The following ZNF334 variants were observed in gnomAD, a reference collection of about 807,000 sequenced individuals.
ZNF334 encodes the protein zinc finger protein 334.
Under a neutral mutation model 12.4 loss-of-function variants are expected in ZNF334, and 14 were observed. That is an observed-to-expected ratio of 1.13 (90% CI 0.74 to 1.76). ZNF334 has a LOEUF of 1.76. ZNF334 is among the 40% of genes most tolerant of loss of function. The pLI, the probability that ZNF334 is intolerant of heterozygous loss-of-function variation, is 0.00. For synonymous variants in ZNF334, 273 were observed against 269.6 expected (o/e 1.01, Z -0.12); for missense variants, 797 against 804.5 (o/e 0.99, Z 0.11).
intron 2 of ZNF334, chr20:46,506,631 A>C: frequency 3.2e-6 from 1 of 308,184 alleles, no homozygotes; most frequent in Non-Finnish European, 5.9e-6. Flanking sequence ...AAAAACAAAA[A>C]AACCCACATG....
the ZNF334 span, among the ~76,000 whole-genome samples, chr20:46,494,081 T>C: frequency 6.6e-6 from 1 of 152,242 alleles, no homozygotes; most frequent in African/African-American, 2.4e-5. Flanking sequence ...TTACTGGGAA[T>C]ATTATGTTAT....
At chr20:46,468,684 A>T in the ZNF334 span, among the ~76,000 whole-genome samples, 4 of 152,262 alleles carry the variant, frequency 2.6e-5, no homozygotes, top group South Asian at 8.3e-4. Context: ...TTGCCATGGA[A>T]AGAGGCTGTA....
the ZNF334 span, among the ~76,000 whole-genome samples, chr20:46,490,154 A>G: frequency 6.6e-6 from 1 of 152,358 alleles, no homozygotes; most frequent in South Asian, 2.1e-4. Flanking sequence ...CAGTGCATGT[A>G]TATACCAAAA....
At chr20:46,497,794 A>G (rs112183046), downstream of ZNF334, among the ~76,000 whole-genome samples, 18 of 152,348 alleles carry the variant, frequency 1.2e-4, no homozygotes, top group African/African-American at 4.1e-4. Flanking sequence ...CATTTCATTG[A>G]AAAATAGAAA....
chr20:46,508,358 TA>T (rs1353439216), intron 2 of ZNF334, among the ~76,000 whole-genome samples: 2 of 152,222 alleles, frequency 1.3e-5, no homozygotes, highest in Non-Finnish European at 2.9e-5. Context: ...GACCAGACCC[TA>T]CATGTAATGC....
chr20:46,506,715 G>A (rs1047236982), intron 2 of ZNF334: 14 of 180,412 alleles, frequency 7.8e-5, no homozygotes, highest in Non-Finnish European at 1.5e-4. Context: ...ATTCAGGGGA[G>A]AGGTGGAGAC....
chr20:46,498,034 GACTAC>G (rs1437068363), downstream of ZNF334, among the ~76,000 whole-genome samples: 2 of 152,134 alleles, frequency 1.3e-5, no homozygotes, highest in Non-Finnish European at 2.9e-5. Flanking sequence ...AGCCTCCTTT[GACTAC>G]ACTTTACTCT....
In ZNF334 at chr20:46,499,945, A is replaced by C. The variant is rs967661185; in HGVS notation, c.*1351T>G. The C allele has an allele frequency of 3.3e-5, 5 of 152,186 alleles. No homozygotes were observed. Among genetic ancestry groups the C allele is most frequent in the African/African-American group, 1.2e-4 (5 of 41,448 alleles). 9.4% of individuals were successfully genotyped at this position (152,186 alleles called of 1,614,324 possible). ...AATTTCCCCCCATCTAAACGATAAA[A>C]AATTAAGTAGCAGACAGGGGGCAGG... On this transcript the variant is annotated 3_prime_UTR_variant, in exon 5 of 5. Transcript: ENST00000692313.
chr20:46,471,854 G>C, the ZNF334 span, among the ~76,000 whole-genome samples: 1 of 152,006 alleles, frequency 6.6e-6, no homozygotes, highest in Non-Finnish European at 1.5e-5. Flanking sequence ...TTAATATCTG[G>C]TAGTATAAGT....
the ZNF334 span, chr20:46,477,131 T>C: frequency 6.6e-6 from 1 of 152,182 alleles, no homozygotes; most frequent in Non-Finnish European, 1.5e-5. Flanking sequence ...AAGGTACAGC[T>C]TCTGCTTCCA....
At chr20:46,504,563 A>T in intron 3 of ZNF334, 51 bp downstream of exon 3, 1 of 1,537,654 alleles carries the variant, frequency 6.5e-7, no homozygotes, top group South Asian at 1.3e-5. Context: ...TGTTTTTGTA[A>T]CACAGAAGAA....
chr20:46,486,125 T>C, the ZNF334 span, among the ~76,000 whole-genome samples: 2 of 152,240 alleles, frequency 1.3e-5, no homozygotes, highest in African/African-American at 4.8e-5. Context: ...GGGTTGGAAA[T>C]TGGATACAAA....
At chr20:46,463,457 C>T in the ZNF334 span, among the ~76,000 whole-genome samples, 2 of 152,210 alleles carry the variant, frequency 1.3e-5, no homozygotes, top group African/African-American at 4.8e-5. Context: ...CAAGGATCCA[C>T]ATCCTGTGTT....
the ZNF334 span, among the ~76,000 whole-genome samples, chr20:46,472,962 AGAG>A: frequency 6.6e-6 from 1 of 152,236 alleles, no homozygotes; most frequent in South Asian, 2.1e-4. Flanking sequence ...TATTAGAAAC[AGAG>A]AAGTCGGGGT....
At position 46,504,742 on chromosome 20, in the gene ZNF334, T is replaced by C. The variant is rs2061372377; in HGVS notation, c.22-2A>G. ...CAGGTCCTGGAATGAAACTGGTATC[T>C]GAAAGAAAATGTTTAATCTTGGGTG... On this transcript the variant is annotated splice_acceptor_variant, in intron 2 of 4. Coordinates refer to ENST00000692313, the MANE Select transcript of ZNF334 (RefSeq NM_001353824.2). LOFTEE classifies it high-confidence loss of function. 6.3e-7 allele frequency: 1 copy of C among 1,597,894 alleles called. No homozygotes were observed. The highest frequency in any genetic ancestry group is 1.4e-5 in the African/African-American group (1 of 74,052).
rs766936305 is a variant in ZNF334, at chr20:46,512,680, C to T, written c.-179G>A. 1 of 152,252 alleles carries T rather than the reference C, an allele frequency of 6.6e-6. No individual in the cohort carries two copies. The highest frequency in any genetic ancestry group is 1.5e-5 in the Non-Finnish European group (1 of 68,086). The allele number at this position is 152,252 out of a possible 1,614,324, so 9.4% of individuals were successfully genotyped here. A position where few individuals can be genotyped will look rare whatever the true frequency, so the allele number is the denominator to read the frequency against. On this transcript the variant is annotated 5_prime_UTR_variant, in exon 1 of 5. Coordinates refer to ENST00000692313, the MANE Select transcript of ZNF334 (RefSeq NM_001353824.2). ...CACAAGAGGACCTTTTACTAAGAAA[C>T]TTCTTGTGGTAGGTAACGTAAATGT... is the stretch of plus-strand genomic sequence containing the variant.
Position 46,506,947 on chromosome 20 carries a change from C to CA in ZNF334, c.22-2208dup, listed in dbSNP as rs199515165. Reference sequence around the variant, plus strand: ...GGCAACATAGTGAGACCCCATCTCTCAAAAAAATTTTTTTTTTTTTGCCAG... The same window carrying CA: ...GGCAACATAGTGAGACCCCATCTCTCAAAAAAAATTTTTTTTTTTTTGCCAG... On this transcript the variant is annotated intron_variant, in intron 2 of 4. Transcript: ENST00000692313. Among the ~76,000 whole-genome samples the CA allele has an allele frequency of 5.2e-3, 717 of 138,030 alleles. 7 individuals carry two copies. Among genetic ancestry groups the CA allele is most frequent in the African/African-American group, 0.016 (546 of 33,956 alleles). The allele number at this position is 138,030 out of a possible 152,430, so 90.6% of individuals were successfully genotyped here.
At chr20:46,498,169 T>G (rs775534308), downstream of ZNF334, among the ~76,000 whole-genome samples, 1 of 152,208 alleles carries the variant, frequency 6.6e-6, no homozygotes, top group Non-Finnish European at 1.5e-5. Flanking sequence ...TTATGGTGGT[T>G]GCCTCTGGTA....
At chr20:46,464,825 G>T in the ZNF334 span, 1 of 538,746 alleles carries the variant, frequency 1.9e-6, no homozygotes. Context: ...CACTCCTACA[G>T]TTGCAAAGTT....
Sources: allele counts gnomAD v4.1 joint callset (sites outside exome capture counted in the v4.1 genomes callset), GRCh38; gene constraint gnomAD v4.1.1; transcripts MANE v1.5; gene names NCBI Gene and HGNC (gene_info 2026-07-23, HGNC 2026-07-21).